Variants in THSD4 observed in about 807,000 individuals in gnomAD.
THSD4 encodes the protein thrombospondin type-1 domain-containing protein 4.
A neutral mutation model predicts 119.0 loss-of-function variants in THSD4; 69 were observed. The observed-to-expected ratio is 0.58, with a 90% CI of 0.48 to 0.71. The LOEUF is 0.71. Among genes scored for constraint, THSD4 ranks in the 30% least tolerant of loss-of-function variants. THSD4 has a pLI of 0.00. For missense variants in THSD4, 1,393 were observed against 1,391.1 expected (o/e 1.00, Z -0.02); for synonymous variants, 524 against 540.4 (o/e 0.97, Z 0.42).
chr15:71,750,514 C>T (rs117659210), intron 14 of THSD4, among the ~76,000 whole-genome samples: 437 of 152,374 alleles, frequency 2.9e-3, no homozygotes, highest in Non-Finnish European at 5.0e-3. Flanking sequence ...GCAGCCTTCA[C>T]TCCACCTCCA....
At chr15:71,162,759 G>A (rs1040387230) in intron 3 of THSD4, among the ~76,000 whole-genome samples, 1 of 151,922 alleles carries the variant, frequency 6.6e-6, no homozygotes, top group Admixed American at 6.6e-5. Context: ...GTCCTATAAT[G>A]CAAATATTTG....
At chr15:71,693,749 T>A (rs1445043468) in intron 8 of THSD4, among the ~76,000 whole-genome samples, 1 of 152,078 alleles carries the variant, frequency 6.6e-6, no homozygotes, top group Non-Finnish European at 1.5e-5. Context: ...AATGAACAAG[T>A]CTCCCGAGAT....
intron 8 of THSD4, among the ~76,000 whole-genome samples, chr15:71,679,704 C>T (rs1269053787): frequency 6.6e-6 from 1 of 152,200 alleles, no homozygotes; most frequent in African/African-American, 2.4e-5. Context: ...CTGTTTCATC[C>T]TGAACCACAT....
chr15:71,391,416 G>T (rs754073418), intron 6 of THSD4, among the ~76,000 whole-genome samples: 1 of 152,180 alleles, frequency 6.6e-6, no homozygotes, highest in East Asian at 1.9e-4. Flanking sequence ...AGCCTCAAGC[G>T]ATCCTCCTGC....
intron 7 of THSD4, among the ~76,000 whole-genome samples, chr15:71,608,155 G>A (rs549584381): frequency 2.7e-5 from 4 of 150,768 alleles, no homozygotes; most frequent in African/African-American, 4.9e-5. Flanking sequence ...CCCGGGAGGC[G>A]GTGGTTGCGG....
chr15:71,443,337 C>T (rs942927330), intron 7 of THSD4, among the ~76,000 whole-genome samples: 8 of 152,094 alleles, frequency 5.3e-5, no homozygotes, highest in African/African-American at 1.7e-4. Flanking sequence ...TGTTTGTGAC[C>T]GAAAGGTGAA....
At chr15:71,499,525 C>T (rs1014841871) in intron 7 of THSD4, among the ~76,000 whole-genome samples, 2 of 150,396 alleles carry the variant, frequency 1.3e-5, no homozygotes, top group African/African-American at 2.4e-5. Context: ...ATAAAATTGA[C>T]CATCTTAACA....
chr15:71,197,512 C>T (rs1490262673), intron 3 of THSD4, among the ~76,000 whole-genome samples: 2 of 152,190 alleles, frequency 1.3e-5, no homozygotes, highest in African/African-American at 4.8e-5. Flanking sequence ...ACTTTCATTT[C>T]CCAAGTTCAA....
intron 7 of THSD4, among the ~76,000 whole-genome samples, chr15:71,652,636 T>A (rs185008898): frequency 6.6e-6 from 1 of 152,326 alleles, no homozygotes; most frequent in African/African-American, 2.4e-5. Context: ...CTCTCGGGAC[T>A]CCTTTCTTCA....
intron 6 of THSD4, among the ~76,000 whole-genome samples, chr15:71,257,017 A>T (rs2044325522): frequency 6.6e-6 from 1 of 152,160 alleles, no homozygotes; most frequent in Non-Finnish European, 1.5e-5. Context: ...GTTGGAGAAG[A>T]GGTTCAAACA....
intron 7 of THSD4, among the ~76,000 whole-genome samples, chr15:71,639,486 A>C (rs1049964602): frequency 6.6e-6 from 1 of 152,174 alleles, no homozygotes; most frequent in Non-Finnish European, 1.5e-5. Context: ...GAGGCATTCT[A>C]TGATTTGGAA....
chr15:71,703,619 G>A (rs1043899324), intron 8 of THSD4, among the ~76,000 whole-genome samples: 3 of 152,104 alleles, frequency 2.0e-5, no homozygotes, highest in African/African-American at 7.2e-5. Context: ...GGGCCTCAAG[G>A]GCTTGGTGCT....
chr15:71,748,788 G>T (rs1489382427), intron 14 of THSD4, among the ~76,000 whole-genome samples, 194 bp downstream of exon 14: 1 of 152,202 alleles, frequency 6.6e-6, no homozygotes, highest in South Asian at 2.1e-4. Flanking sequence ...GGTGAGGAGG[G>T]TGTATGCAAA....
intron 4 of THSD4, among the ~76,000 whole-genome samples, chr15:71,222,914 T>C (rs986627535): frequency 6.6e-6 from 1 of 152,236 alleles, no homozygotes; most frequent in African/African-American, 2.4e-5. Context: ...GGATGCTCCA[T>C]CTGACCCTGC....
chr15:71,661,082 G>T (rs1036054587), intron 8 of THSD4, among the ~76,000 whole-genome samples: 1 of 152,214 alleles, frequency 6.6e-6, no homozygotes, highest in African/African-American at 2.4e-5. Flanking sequence ...TGTTTGTTCT[G>T]TTGGGATTTG....
At chr15:71,647,688 T>C (rs2050998172) in intron 7 of THSD4, among the ~76,000 whole-genome samples, 1 of 152,210 alleles carries the variant, frequency 6.6e-6, no homozygotes, top group African/African-American at 2.4e-5. Context: ...ATTCCCAGGA[T>C]GACAAATGAG....
intron 1 of THSD4, among the ~76,000 whole-genome samples, chr15:71,120,838 A>G (rs1343271170): frequency 6.6e-6 from 1 of 152,232 alleles, no homozygotes; most frequent in Non-Finnish European, 1.5e-5. Flanking sequence ...GGGAAATCAC[A>G]GGGGAATTAT....
intron 6 of THSD4, among the ~76,000 whole-genome samples, chr15:71,269,327 A>G (rs892047465): frequency 6.6e-6 from 1 of 152,224 alleles, no homozygotes; most frequent in Non-Finnish European, 1.5e-5. Context: ...TCCATCACAT[A>G]AAGAGAACCA....
At chr15:71,602,814 G>T (rs1356409383) in intron 7 of THSD4, among the ~76,000 whole-genome samples, 2 of 152,146 alleles carry the variant, frequency 1.3e-5, no homozygotes, top group Non-Finnish European at 2.9e-5. Flanking sequence ...TTTGACTGTT[G>T]TACCACTTTG....
Sources: gnomAD v4.1 joint callset for allele counts (sites outside exome capture counted in the v4.1 genomes callset) on GRCh38, gnomAD v4.1.1 for gene constraint, MANE v1.5 for transcripts, NCBI Gene and HGNC (gene_info 2026-07-23, HGNC 2026-07-21) for gene names.